The following CPED1 variants were observed in gnomAD, a reference collection of about 807,000 sequenced individuals.
The protein encoded by CPED1 is cadherin-like and PC-esterase domain-containing protein 1.
A neutral mutation model predicts 128.2 loss-of-function variants in CPED1; 114 were observed. That is an observed-to-expected ratio of 0.89 (90% CI 0.76 to 1.04). The LOEUF (loss-of-function observed/expected upper bound fraction) is 1.04. CPED1 is among the 50% of genes least tolerant of loss of function. CPED1 has a pLI of 0.00. For synonymous variants in CPED1, 462 were observed against 426.7 expected (o/e 1.08, Z -1.02); for missense variants, 1,211 against 1,207.1 (o/e 1.00, Z -0.05).
intron 16 of CPED1, 63 bp from the exon 17 acceptor site, chr7:121,236,650 TA>T: frequency 1.0e-6 from 1 of 986,230 alleles, no homozygotes; most frequent in Non-Finnish European, 1.5e-6. Context: ...TCTTATTTTT[TA>T]GATTTTATTA....
At chr7:121,065,375 G>GT (rs1793804986) in intron 5 of CPED1, among the ~76,000 whole-genome samples, 1 of 152,034 alleles carries the variant, frequency 6.6e-6, no homozygotes, top group Admixed American at 6.5e-5. Context: ...TAGCTGGAGA[G>GT]TTTTTCATCA....
chr7:121,065,133 G>C (rs1793794846), intron 5 of CPED1, among the ~76,000 whole-genome samples: 1 of 152,042 alleles, frequency 6.6e-6, no homozygotes, highest in African/African-American at 2.4e-5. Flanking sequence ...CTTTCCCATT[G>C]GGGTTTCTGC....
intron 5 of CPED1, among the ~76,000 whole-genome samples, chr7:121,093,600 C>G (rs560889456): frequency 6.6e-6 from 1 of 152,144 alleles, no homozygotes; most frequent in Non-Finnish European, 1.5e-5. Flanking sequence ...CACAGGGCAA[C>G]CTTGTCCCCT....
chr7:121,063,344 A>G (rs1471290000), intron 4 of CPED1, among the ~76,000 whole-genome samples: 1 of 136,414 alleles, frequency 7.3e-6, no homozygotes, highest in Non-Finnish European at 1.5e-5. Flanking sequence ...CTAGAGACTA[A>G]AAGCTCTAAA....
At chr7:121,207,904 C>G (rs760793207) in intron 16 of CPED1, among the ~76,000 whole-genome samples, 10 of 151,968 alleles carry the variant, frequency 6.6e-5, no homozygotes, top group Non-Finnish European at 1.3e-4. Flanking sequence ...ATTATTCCCC[C>G]TCTACTTCAG....
Position 121,223,049 on chromosome 7 carries a change from T to G in CPED1, c.2056-13665T>G, listed in dbSNP as rs531370768. 5.1e-4 allele frequency among the ~76,000 whole-genome samples: 78 copies of G among 152,292 alleles called. 1 individual carries two copies. Among genetic ancestry groups the G allele is most frequent in the African/African-American group, 1.8e-3 (74 of 41,572 alleles). On this transcript the variant is annotated intron_variant, in intron 16 of 22. Transcript: ENST00000310396. The stretch of plus-strand genomic sequence containing the variant: ...GTCTTGTGCCAGTTTTCAAAGGGAA[T>G]GCTTCCAGTTTTTGTCCATTCAGTA...
At chr7:121,061,140 C>T (rs757682709) in intron 4 of CPED1, 58 of 377,852 alleles carry the variant, frequency 1.5e-4, no homozygotes, top group Admixed American at 4.5e-4. Context: ...TGTGAGGGTC[C>T]GCGGCTTCAT....
chr7:121,043,880 G>A (rs1037592700), intron 3 of CPED1, among the ~76,000 whole-genome samples: 1 of 152,234 alleles, frequency 6.6e-6, no homozygotes, highest in African/African-American at 2.4e-5. Context: ...TATCCCGTCT[G>A]AGGGCTTGAC....
chr7:121,047,209 T>C (rs1434236807), intron 4 of CPED1, among the ~76,000 whole-genome samples: 1 of 152,232 alleles, frequency 6.6e-6, no homozygotes, highest in Non-Finnish European at 1.5e-5. Context: ...CAGATATTGT[T>C]GTTTTACTTA....
At chr7:121,093,354 T>A (rs1794619736) in intron 5 of CPED1, among the ~76,000 whole-genome samples, 1 of 151,458 alleles carries the variant, frequency 6.6e-6, no homozygotes, top group Admixed American at 6.6e-5. Flanking sequence ...CACATCTAAA[T>A]GCTCTTATTT....
intron 22 of CPED1, among the ~76,000 whole-genome samples, chr7:121,282,923 TGAAA>T (rs1319312005): frequency 6.6e-6 from 1 of 152,190 alleles, no homozygotes; most frequent in Non-Finnish European, 1.5e-5. Context: ...CTCTGAAGAT[TGAAA>T]GATGGATATT....
intron 16 of CPED1, among the ~76,000 whole-genome samples, chr7:121,188,337 A>G (rs1797052247): frequency 6.6e-6 from 1 of 152,146 alleles, no homozygotes; most frequent in African/African-American, 2.4e-5. Flanking sequence ...AGATGTTTTG[A>G]TATAGCCATG....
chr7:121,014,547 C>CT (rs1438456223), intron 2 of CPED1, among the ~76,000 whole-genome samples: 1 of 90,028 alleles, frequency 1.1e-5, no homozygotes, highest in African/African-American at 3.6e-5. Context: ...GAGACTTTGT[C>CT]TCAAAAAAAA....
At chr7:121,111,984 T>C (rs1584519170) in intron 7 of CPED1, among the ~76,000 whole-genome samples, 1 of 152,154 alleles carries the variant, frequency 6.6e-6, no homozygotes. Context: ...GGCTGGGTAG[T>C]CTAGCCTGCC....
intron 2 of CPED1, among the ~76,000 whole-genome samples, chr7:121,004,576 A>AG (rs1452947598): frequency 2.0e-5 from 3 of 152,142 alleles, no homozygotes; most frequent in Admixed American, 1.3e-4. Context: ...GGGACAGCAG[A>AG]GCTAGGAGAA....
At chr7:121,256,089 T>C (rs1584635931) in intron 18 of CPED1, among the ~76,000 whole-genome samples, 1 of 59,106 alleles carries the variant, frequency 1.7e-5, no homozygotes. Flanking sequence ...AAAAGAGCCC[T>C]AATAGTTAAA....
chr7:121,117,100 A>ATATATATATAAAT (rs1450957943), intron 7 of CPED1, among the ~76,000 whole-genome samples: 7 of 70,648 alleles, frequency 9.9e-5, no homozygotes, highest in Non-Finnish European at 2.2e-4. Flanking sequence ...TATATATATA[A>ATATATATATAAAT]ATATATATAT....
At chr7:121,236,953 C>A in intron 17 of CPED1, 122 bp downstream of exon 17, 1 of 474,904 alleles carries the variant, frequency 2.1e-6, no homozygotes, top group Admixed American at 3.8e-5. Context: ...TGACAATGAA[C>A]TATAAAGCAT....
chr7:121,144,847 T>A (rs1016026179), intron 16 of CPED1, among the ~76,000 whole-genome samples: 39 of 151,798 alleles, frequency 2.6e-4, no homozygotes, highest in African/African-American at 8.9e-4. Flanking sequence ...ACAAAAAAAA[T>A]TAAAAGAAGC....
Sources: allele counts gnomAD v4.1 joint callset (sites outside exome capture counted in the v4.1 genomes callset), GRCh38; gene constraint gnomAD v4.1.1; transcripts MANE v1.5; gene names NCBI Gene and HGNC (gene_info 2026-07-23, HGNC 2026-07-21).